Variants in NRG1 observed in about 807,000 individuals in gnomAD.
The protein encoded by NRG1 is neuregulin 1, also known as pro-neuregulin-1, membrane-bound isoform.
NRG1 carries 18 observed loss-of-function variants against 63.8 expected under a neutral mutation model. The ratio of observed to expected loss-of-function variants is 0.28; its 90% CI spans 0.19 to 0.42. The LOEUF is 0.42. Among genes scored for constraint, NRG1 ranks in the 10% least tolerant of loss-of-function variants. The pLI, the probability that NRG1 is intolerant of heterozygous loss-of-function variation, is 1.00. For missense variants in NRG1, 762 were observed against 814.7 expected, an observed-to-expected ratio of 0.94 and a Z score of 0.79; for synonymous variants, 302 against 301.3, an observed-to-expected ratio of 1.00 and a Z score of -0.02.
chr8:32,739,675 T>G (rs1825887529), intron 6 of NRG1, among the ~76,000 whole-genome samples: 2 of 152,188 alleles, frequency 1.3e-5, no homozygotes, highest in South Asian at 4.1e-4. Flanking sequence ...GAACTGGTTA[T>G]AAGATGCCTA....
intron 1 of NRG1, among the ~76,000 whole-genome samples, chr8:32,215,997 T>G (rs1845186787): frequency 6.6e-6 from 1 of 151,542 alleles, no homozygotes; most frequent in Non-Finnish European, 1.5e-5. Flanking sequence ...GCCGATATCA[T>G]GCCACTGCAC....
chr8:32,449,931 G>A (rs1820751372), intron 1 of NRG1, among the ~76,000 whole-genome samples: 1 of 152,138 alleles, frequency 6.6e-6, no homozygotes, highest in Non-Finnish European at 1.5e-5. Flanking sequence ...AGGATATTTG[G>A]GGATTGGCAG....
intron 5 of NRG1, among the ~76,000 whole-genome samples, chr8:32,715,719 G>C (rs1819037934): frequency 6.6e-6 from 1 of 150,412 alleles, no homozygotes; most frequent in East Asian, 2.0e-4. Context: ...GCTCACTACA[G>C]CCTCCGCCTC....
chr8:32,393,984 G>T (rs950443707), intron 1 of NRG1, among the ~76,000 whole-genome samples: 2 of 152,122 alleles, frequency 1.3e-5, no homozygotes, highest in Middle Eastern at 3.4e-3. Flanking sequence ...CCTCCCATCT[G>T]CTCTGTCCTA....
At chr8:32,108,812 C>T (rs1015048404) in intron 1 of NRG1, among the ~76,000 whole-genome samples, 1 of 152,042 alleles carries the variant, frequency 6.6e-6, no homozygotes, top group Non-Finnish European at 1.5e-5. Flanking sequence ...AATAATACTA[C>T]CCAAAAGCCC....
intron 5 of NRG1, among the ~76,000 whole-genome samples, chr8:32,693,771 A>G (rs10109124): frequency 0.052 from 7,975 of 152,230 alleles, 725 homozygotes; most frequent in African/African-American, 0.18. Flanking sequence ...TGATACAGTA[A>G]AGTCAAAATT....
At chr8:32,032,421 G>T (rs1903776) in intron 1 of NRG1, among the ~76,000 whole-genome samples, 70,391 of 151,820 alleles carry the variant, frequency 0.46, 18,900 homozygotes, top group South Asian at 0.69. Flanking sequence ...CTGCCACTAT[G>T]CCCAGATACT....
chr8:32,730,087 G>A (rs781328515), intron 6 of NRG1, among the ~76,000 whole-genome samples: 4 of 152,172 alleles, frequency 2.6e-5, no homozygotes, highest in East Asian at 3.9e-4. Flanking sequence ...TCTCTTTCAC[G>A]GAAATAAATA....
At chr8:32,101,096 A>G (rs531929197) in intron 1 of NRG1, among the ~76,000 whole-genome samples, 21 of 152,184 alleles carry the variant, frequency 1.4e-4, no homozygotes, top group Non-Finnish European at 2.8e-4. Flanking sequence ...CCCAAATAGA[A>G]TATGTAACTA....
At chr8:32,144,505 T>C (rs548250437) in intron 1 of NRG1, among the ~76,000 whole-genome samples, 7 of 152,282 alleles carry the variant, frequency 4.6e-5, no homozygotes, top group Admixed American at 3.3e-4. Context: ...TTCTCATAAG[T>C]CCATTACTGT....
In NRG1 at chr8:32,218,873, C is replaced by T. The variant is rs1845521462; in HGVS notation, c.38-376955C>T. ...ATCTCAGGGAGCAAAGGCAGGATTT[C>T]CGTGGGTGTCCAAGGTCCTTACTCA... On this transcript the variant is annotated intron_variant, in intron 1 of 10. Transcript: ENST00000519301. 1.3e-5 allele frequency among the ~76,000 whole-genome samples: 2 copies of T among 152,220 alleles called. 1 individual carries two copies.
intron 1 of NRG1, among the ~76,000 whole-genome samples, chr8:31,849,480 G>A (rs1827009498): frequency 6.6e-6 from 1 of 152,218 alleles, no homozygotes; most frequent in Non-Finnish European, 1.5e-5. Context: ...ATAAACCTGT[G>A]ACTCACTCTT....
intron 1 of NRG1, among the ~76,000 whole-genome samples, chr8:31,815,133 G>A (rs1823310959): frequency 6.6e-6 from 1 of 152,008 alleles, no homozygotes; most frequent in Non-Finnish European, 1.5e-5. Flanking sequence ...CGATTCACTG[G>A]TATTAAATGC....
rs539101075 is a variant in NRG1, at chr8:32,502,682, A to C, written c.38-93146A>C. Reference sequence around the variant, plus strand: ...TCACTGTCATTTTTCTTTAACAAAAACACATCTCACTCTCCTTGTACTCTT... The same window carrying C: ...TCACTGTCATTTTTCTTTAACAAAACCACATCTCACTCTCCTTGTACTCTT... On this transcript the variant is annotated intron_variant, in intron 1 of 10. Coordinates refer to the NRG1 transcript ENST00000519301. 3.6e-3 allele frequency among the ~76,000 whole-genome samples: 548 copies of C among 151,886 alleles called. 1 individual carries two copies. Among genetic ancestry groups the C allele is most frequent in the Middle Eastern group, 0.01 (3 of 292 alleles).
At chr8:31,920,005 T>C (rs1163517217) in intron 1 of NRG1, among the ~76,000 whole-genome samples, 2 of 152,166 alleles carry the variant, frequency 1.3e-5, no homozygotes, top group East Asian at 1.9e-4. Flanking sequence ...TCTGTTAGAA[T>C]GGTAGAATGG....
intron 1 of NRG1, among the ~76,000 whole-genome samples, chr8:31,675,624 TATAAA>T (rs1807612020): frequency 6.6e-6 from 1 of 152,176 alleles, no homozygotes; most frequent in Non-Finnish European, 1.5e-5. Flanking sequence ...ATCTCTTGTT[TATAAA>T]AAAACACTGG....
chr8:31,809,181 A>G (rs1822585478), intron 1 of NRG1, among the ~76,000 whole-genome samples: 1 of 151,676 alleles, frequency 6.6e-6, no homozygotes, highest in African/African-American at 2.4e-5. Flanking sequence ...TCTCTGAGAT[A>G]TTTTGGAATT....
intron 1 of NRG1, among the ~76,000 whole-genome samples, chr8:32,034,047 T>G (rs1314159045): frequency 2.6e-5 from 4 of 152,208 alleles, no homozygotes; most frequent in Non-Finnish European, 5.9e-5. Context: ...GGGGAATGAT[T>G]CCAGCTTTTG....
At chr8:31,645,085 C>T (rs979808891) in intron 1 of NRG1, among the ~76,000 whole-genome samples, 3 of 152,198 alleles carry the variant, frequency 2.0e-5, no homozygotes, top group Middle Eastern at 3.4e-3. Context: ...CAGAAATGGG[C>T]ATTGTGGACA....
Sources: gnomAD v4.1 joint callset for allele counts (sites outside exome capture counted in the v4.1 genomes callset) on GRCh38, gnomAD v4.1.1 for gene constraint, MANE v1.5 for transcripts, NCBI Gene and HGNC (gene_info 2026-07-23, HGNC 2026-07-21) for gene names.